CDK8: variants seen among roughly 807,000 people sequenced by gnomAD.
CDK8 encodes the protein cyclin-dependent kinase 8.
CDK8 carries 29 observed loss-of-function variants against 71.5 expected under a neutral mutation model. That is an observed-to-expected ratio of 0.41 (90% CI 0.30 to 0.55). The LOEUF (loss-of-function observed/expected upper bound fraction) is 0.55, where lower values mean the gene tolerates loss of function less well. Among genes scored for constraint, CDK8 ranks in the 20% least tolerant of loss-of-function variants. The pLI is 0.37. For synonymous variants in CDK8, 161 were observed against 192.1 expected (o/e 0.84, Z 1.34); for missense variants, 288 against 572.6 (o/e 0.50, Z 5.07).
intron 4 of CDK8, among the ~76,000 whole-genome samples, chr13:26,364,343 C>G (rs1874282600): frequency 6.6e-6 from 1 of 152,000 alleles, no homozygotes; most frequent in Non-Finnish European, 1.5e-5. Flanking sequence ...GTATATTTGT[C>G]ATTATTGTCA....
chr13:26,289,551 C>T (rs1254565294), intron 1 of CDK8, among the ~76,000 whole-genome samples: 1 of 151,806 alleles, frequency 6.6e-6, no homozygotes, highest in Non-Finnish European at 1.5e-5. Flanking sequence ...TTGAAATTTG[C>T]TTGTTTGTTT....
In CDK8 at chr13:26,404,222, T is replaced by G. The variant is rs1876407783; in HGVS notation, c.*141T>G. ...ATGTCCAGTAGCCAAGTTCCACCAC[T>G]TTTCACAGATTGGGGTAGTGGCTTC... On this transcript the variant is annotated 3_prime_UTR_variant, in exon 13 of 13. Transcript: ENST00000381527. 2 of 937,398 alleles carry G rather than the reference T, an allele frequency of 2.1e-6. No homozygotes were observed. The highest frequency in any genetic ancestry group is 3.1e-6 in the Non-Finnish European group (2 of 642,390). The allele number at this position is 937,398 out of a possible 1,614,324, so 58.1% of individuals were successfully genotyped here. A position where few individuals can be genotyped will look rare whatever the true frequency, so the allele number is the denominator to read the frequency against.
At chr13:26,311,410 G>A (rs368099364) in intron 1 of CDK8, among the ~76,000 whole-genome samples, 4 of 151,930 alleles carry the variant, frequency 2.6e-5, no homozygotes, top group Admixed American at 6.5e-5. Flanking sequence ...GCGTTTGGTC[G>A]CAAATAATAG....
In CDK8 at chr13:26,279,967, T is replaced by TTGTG. The variant is rs148491122; in HGVS notation, c.128+25216_128+25219dup. On this transcript the variant is annotated intron_variant, in intron 1 of 12. Transcript: ENST00000381527. ...TACTTTCAAGTGGTTCAGAAGAAAA[T>TTGTG]TGTGTGTGTGTGTGTGTGTGTATGT... 2.0e-4 allele frequency among the ~76,000 whole-genome samples: 30 copies of TTGTG among 149,548 alleles called. No individual in the cohort carries two copies. The South Asian group carries it at 2.1e-3, about 11-fold the overall frequency.
chr13:26,339,543 G>A (rs888916865), intron 2 of CDK8, among the ~76,000 whole-genome samples: 2 of 149,674 alleles, frequency 1.3e-5, no homozygotes, highest in East Asian at 3.9e-4. Flanking sequence ...ATTGTTTGGG[G>A]TATTTTAGGT....
At chr13:26,344,865 A>G (rs1873396724) in intron 2 of CDK8, among the ~76,000 whole-genome samples, 1 of 150,880 alleles carries the variant, frequency 6.6e-6, no homozygotes, top group Non-Finnish European at 1.5e-5. Flanking sequence ...AGTTAACTTA[A>G]AAAAAAAATA....
chr13:26,362,306 G>A (rs1003350288), intron 4 of CDK8, among the ~76,000 whole-genome samples: 5 of 151,974 alleles, frequency 3.3e-5, no homozygotes, highest in African/African-American at 7.3e-5. Flanking sequence ...TAGAGGAATC[G>A]GCTTATGCAA....
chr13:26,324,282 CATCTT>C (rs1298700436), intron 1 of CDK8, among the ~76,000 whole-genome samples: 1 of 152,130 alleles, frequency 6.6e-6, no homozygotes, highest in East Asian at 1.9e-4. Context: ...TTTTAGATCT[CATCTT>C]ATTTTTTCAA....
At chr13:26,259,374 A>G (rs77653817) in intron 1 of CDK8, among the ~76,000 whole-genome samples, 3,637 of 152,256 alleles carry the variant, frequency 0.024, 109 homozygotes, top group South Asian at 0.082. Context: ...TCCTTAAAAA[A>G]TAGAGTATAA....
chr13:26,373,836 A>G (rs1308693724), intron 4 of CDK8, among the ~76,000 whole-genome samples: 2 of 152,116 alleles, frequency 1.3e-5, no homozygotes, highest in East Asian at 1.9e-4. Flanking sequence ...GTTATGTTCT[A>G]GAGGGGAAAA....
chr13:26,385,890 ATAT>A (rs1875454198), intron 6 of CDK8, among the ~76,000 whole-genome samples: 1 of 152,280 alleles, frequency 6.6e-6, no homozygotes, highest in East Asian at 1.9e-4. Context: ...AAATGGGATC[ATAT>A]TATGCATTCT....
At chr13:26,388,945 G>T (rs1565996248) in intron 6 of CDK8, among the ~76,000 whole-genome samples, 1 of 152,166 alleles carries the variant, frequency 6.6e-6, no homozygotes, top group Admixed American at 6.5e-5. Context: ...ACCCTGAAGA[G>T]ATTTACAGTC....
intron 1 of CDK8, among the ~76,000 whole-genome samples, chr13:26,319,832 A>C (rs1349510490): frequency 6.6e-6 from 1 of 152,170 alleles, no homozygotes; most frequent in Non-Finnish European, 1.5e-5. Flanking sequence ...TTACAAAGCT[A>C]CAGTAATCAA....
At chr13:26,258,912 C>T (rs192067341) in intron 1 of CDK8, among the ~76,000 whole-genome samples, 10 of 152,190 alleles carry the variant, frequency 6.6e-5, no homozygotes, top group South Asian at 2.1e-4. Context: ...ACATGTCTTA[C>T]GCTACCTTGC....
chr13:26,288,286 A>T lies in CDK8; in HGVS notation c.128+33517A>T, dbSNP rs375067150. 2.0e-4 allele frequency among the ~76,000 whole-genome samples: 31 copies of T among 152,194 alleles called. No individual in the cohort carries two copies. In the East Asian group the frequency reaches 4.8e-3, roughly 24 times the overall value. ...CTAGTGCAACTTAATTTATCACTTT[A>T]TGAGCAGTGAGCTTTTTGTACTATT... On this transcript the variant is annotated intron_variant, in intron 1 of 12. Coordinates refer to ENST00000381527, the MANE Select transcript of CDK8 (RefSeq NM_001260.3).
chr13:26,403,784 G>A (rs950783120), intron 12 of CDK8, among the ~76,000 whole-genome samples, 172 bp from the exon 13 acceptor site: 1 of 152,170 alleles, frequency 6.6e-6, no homozygotes, highest in African/African-American at 2.4e-5. Flanking sequence ...TTCCTCAAGA[G>A]AAGAGGATGT....
chr13:26,331,116 G>A (rs1301197378), intron 1 of CDK8, among the ~76,000 whole-genome samples: 3 of 152,096 alleles, frequency 2.0e-5, no homozygotes, highest in Non-Finnish European at 4.4e-5. Context: ...GTTATCTTTT[G>A]TCTTTTTAAT....
chr13:26,265,884 C>T (rs1871997478), intron 1 of CDK8, among the ~76,000 whole-genome samples: 1 of 152,080 alleles, frequency 6.6e-6, no homozygotes, highest in Non-Finnish European at 1.5e-5. Context: ...TCCGATTTCT[C>T]ATTTAAAAAG....
chr13:26,369,709 CTTTTT>C (rs36116401), intron 4 of CDK8, among the ~76,000 whole-genome samples: 1 of 95,382 alleles, frequency 1.0e-5, no homozygotes, highest in South Asian at 3.8e-4. Context: ...TTCTTTCTTT[CTTTTT>C]TTTTTTTTTT....
Sources: gnomAD v4.1 joint callset for allele counts (sites outside exome capture counted in the v4.1 genomes callset) on GRCh38, gnomAD v4.1.1 for gene constraint, MANE v1.5 for transcripts, NCBI Gene and HGNC (gene_info 2026-07-23, HGNC 2026-07-21) for gene names.